CA8: variants seen among roughly 807,000 people sequenced by gnomAD.
CA8 encodes the protein carbonic anhydrase-related protein.
A neutral mutation model predicts 41.4 loss-of-function variants in CA8; 22 were observed. That is an observed-to-expected ratio of 0.53 (90% CI 0.38 to 0.76). The LOEUF (loss-of-function observed/expected upper bound fraction) is 0.76, where lower values mean the gene tolerates loss of function less well. Among genes scored for constraint, CA8 ranks in the 30% least tolerant of loss-of-function variants. CA8 has a pLI of 0.00. For synonymous variants in CA8, 121 were observed against 130.6 expected (o/e 0.93, Z 0.50); for missense variants, 270 against 352.8 (o/e 0.77, Z 1.88).
intron 3 of CA8, among the ~76,000 whole-genome samples, chr8:60,245,923 T>C (rs1808218112): frequency 6.6e-6 from 1 of 152,220 alleles, no homozygotes; most frequent in Non-Finnish European, 1.5e-5. Context: ...GGGCGATTTT[T>C]AAAACAAGAT....
At chr8:60,280,899 G>A (rs1295586241) in intron 1 of CA8, 149 bp downstream of exon 1, 8 of 681,620 alleles carry the variant, frequency 1.2e-5, no homozygotes, top group Non-Finnish European at 1.1e-5. Context: ...AACGCACCAG[G>A]GGAGTGGGAA....
intron 7 of CA8, 75 bp from the exon 8 acceptor site, chr8:60,208,994 T>C: frequency 7.0e-7 from 1 of 1,427,238 alleles, no homozygotes; most frequent in Non-Finnish European, 9.9e-7. Flanking sequence ...ATAAATGACA[T>C]GCATAAAATA....
intron 3 of CA8, among the ~76,000 whole-genome samples, chr8:60,248,739 T>C (rs187649987): frequency 2.0e-5 from 3 of 152,314 alleles, no homozygotes; most frequent in Admixed American, 2.0e-4. Context: ...ATACAGGCTC[T>C]TTTTTGGTTC....
intron 8 of CA8, among the ~76,000 whole-genome samples, chr8:60,206,935 T>C (rs1192500343): frequency 6.6e-6 from 1 of 151,790 alleles, no homozygotes; most frequent in Admixed American, 6.6e-5. Flanking sequence ...TTTCTTTTGT[T>C]TAAAAAAGAA....
At position 60,208,917 on chromosome 8, in the gene CA8, T is replaced by C. The variant is rs1392783766; in HGVS notation, c.741A>G (p.Ile247Met). 1.2e-6 allele frequency: 2 copies of C among 1,614,114 alleles called. No individual in the cohort carries two copies. Among genetic ancestry groups the C allele is most frequent in the East Asian group, 4.5e-5 (2 of 44,856 alleles). ...GTGTCCTCAGCCTTCGAAATTCTTC[T>C]ATCTGAAAATAAAAGCAGAAGAAAA... The part of the protein sequence containing the change: ...RYPLTISQLQ[I>M]EEFRRLRTHV... The change falls in exon 8 of 9, where the codon ATA becomes ATG. Residue 247 changes from isoleucine to methionine, a missense_variant and splice_region_variant. By Grantham distance (10) the Ile-to-Met change is conservative. This residue lies in a region of CA8 where 141 missense variants were observed against 191.6 expected (regional missense o/e 0.74). Coordinates refer to ENST00000317995, the MANE Select transcript of CA8 (RefSeq NM_004056.6).
chr8:60,262,915 A>AG (rs1803780596), intron 3 of CA8, among the ~76,000 whole-genome samples: 2 of 152,094 alleles, frequency 1.3e-5, no homozygotes, highest in South Asian at 4.2e-4. Context: ...AACCATTTAA[A>AG]GTCCCAAATT....
intron 3 of CA8, among the ~76,000 whole-genome samples, chr8:60,233,723 T>C (rs905789289): frequency 1.3e-5 from 2 of 152,202 alleles, no homozygotes; most frequent in African/African-American, 4.8e-5. Context: ...AAGGTTAAAA[T>C]AAATTTTTAT....
intron 7 of CA8, among the ~76,000 whole-genome samples, chr8:60,214,347 T>C (rs1384127155): frequency 6.6e-6 from 1 of 152,152 alleles, no homozygotes; most frequent in Non-Finnish European, 1.5e-5. Context: ...AGGACCCTCA[T>C]GGCCTAAACA....
At chr8:60,245,080 A>C (rs1315167777) in intron 3 of CA8, among the ~76,000 whole-genome samples, 1 of 152,224 alleles carries the variant, frequency 6.6e-6, no homozygotes, top group Non-Finnish European at 1.5e-5. Flanking sequence ...AGTCTTCATA[A>C]TCATTCCCAC....
chr8:60,211,489 C>T (rs1055295438), intron 7 of CA8, among the ~76,000 whole-genome samples: 1 of 152,204 alleles, frequency 6.6e-6, no homozygotes, highest in Admixed American at 6.5e-5. Flanking sequence ...ACTGCCTCAA[C>T]ATATGAAAGA....
intron 8 of CA8, among the ~76,000 whole-genome samples, chr8:60,193,470 G>A (rs1806192815): frequency 1.3e-5 from 2 of 152,132 alleles, no homozygotes; most frequent in African/African-American, 4.8e-5. Flanking sequence ...CCATTTTGGT[G>A]TGGCAATATC....
At chr8:60,248,264 G>A (rs994626819) in intron 3 of CA8, among the ~76,000 whole-genome samples, 24 of 152,080 alleles carry the variant, frequency 1.6e-4, no homozygotes, top group African/African-American at 5.3e-4. Context: ...AATTAGATAC[G>A]ATTTGTCAAT....
At chr8:60,224,699 A>G in intron 5 of CA8, 114 bp from the exon 6 acceptor site, 1 of 696,926 alleles carries the variant, frequency 1.4e-6, no homozygotes, top group Non-Finnish European at 2.6e-6. Flanking sequence ...TGGCCTCATC[A>G]GGTCCCACAG....
intron 8 of CA8, among the ~76,000 whole-genome samples, chr8:60,196,403 A>C (rs1481902103): frequency 6.6e-6 from 1 of 152,140 alleles, no homozygotes; most frequent in African/African-American, 2.4e-5. Flanking sequence ...GCTGAAAGAG[A>C]ATCAATAGTT....
rs994117516 is a variant in CA8, at chr8:60,281,030, C to G, written c.100+18G>C. The G allele has an allele frequency of 5.7e-6, 9 of 1,585,384 alleles. No homozygotes were observed. Among genetic ancestry groups the G allele is most frequent in the Non-Finnish European group, 6.0e-6 (7 of 1,157,178 alleles). On this transcript the variant is annotated intron_variant, in intron 1 of 8. Coordinates refer to ENST00000317995, the MANE Select transcript of CA8 (RefSeq NM_004056.6). The stretch of plus-strand genomic sequence containing the variant: ...CGCCGCCGCGGGACCCCGGACACCC[C>G]GACTCGCGGCCACTTACCTTCCTCG...
intron 3 of CA8, among the ~76,000 whole-genome samples, chr8:60,243,348 C>T (rs73683400): frequency 0.11 from 16,861 of 151,570 alleles, 1,869 homozygotes; most frequent in African/African-American, 0.29. Context: ...CTTTCATCCA[C>T]CAGCTCTTTT....
intron 3 of CA8, among the ~76,000 whole-genome samples, chr8:60,242,557 C>A (rs1808069486): frequency 6.6e-6 from 1 of 152,118 alleles, no homozygotes; most frequent in South Asian, 2.1e-4. Context: ...TCCGCAAAGA[C>A]AAGAAAAACT....
At chr8:60,232,422 A>G (rs779784677) in intron 3 of CA8, 43 bp from the exon 4 acceptor site, 28 of 1,282,756 alleles carry the variant, frequency 2.2e-5, no homozygotes, top group Admixed American at 1.5e-4. Flanking sequence ...TTAATGTGCT[A>G]CTTCTAATCA....
chr8:60,193,469 T>C (rs1026796856), intron 8 of CA8, among the ~76,000 whole-genome samples: 3 of 152,158 alleles, frequency 2.0e-5, no homozygotes, highest in Admixed American at 2.0e-4. Flanking sequence ...TCCATTTTGG[T>C]GTGGCAATAT....
Sources: gnomAD v4.1 joint callset for allele counts (sites outside exome capture counted in the v4.1 genomes callset) on GRCh38, gnomAD v4.1.1 for gene constraint, gnomAD v4.1.1 regional missense constraint, MANE v1.5 for transcripts, NCBI Gene and HGNC (gene_info 2026-07-23, HGNC 2026-07-21) for gene names.